The following LPCAT1 variants were observed in gnomAD, a reference collection of about 807,000 sequenced individuals.
LPCAT1 encodes the protein 1-acylglycerol-3-phosphate O-acyltransferase.
LPCAT1 carries 23 observed loss-of-function variants against 60.9 expected under a neutral mutation model. That is an observed-to-expected ratio of 0.38 (90% CI 0.27 to 0.53). LPCAT1 has a LOEUF of 0.53. Among genes scored for constraint, LPCAT1 ranks in the 20% least tolerant of loss-of-function variants. The pLI is 0.82. For synonymous variants in LPCAT1, 340 were observed against 301.1 expected, an observed-to-expected ratio of 1.13 and a Z score of -1.34; for missense variants, 622 against 723.6, an observed-to-expected ratio of 0.86 and a Z score of 1.61.
In LPCAT1 at chr5:1,466,704, C is replaced by T. The variant is rs200461315; in HGVS notation, c.1420+45G>A. The T allele has an allele frequency of 3.1e-5, 49 of 1,583,692 alleles. No individual in the cohort carries two copies. In the African/African-American group the frequency reaches 4.0e-4, roughly 13 times the overall value. On this transcript the variant is annotated intron_variant, in intron 13 of 13. Transcript: ENST00000283415. ...AGACTCGCCCCACACTCTGTCCAGCCCCCGCCCAAGGGTCGCGAGGACGAC... is the reference window on the plus strand; with the variant it reads ...AGACTCGCCCCACACTCTGTCCAGCTCCCGCCCAAGGGTCGCGAGGACGAC...
intron 1 of LPCAT1, among the ~76,000 whole-genome samples, chr5:1,504,663 G>A (rs1312686762): frequency 1.4e-5 from 2 of 147,740 alleles, no homozygotes; most frequent in African/African-American, 2.6e-5. Context: ...GTGGGGAGCT[G>A]AGATCGCGCC....
chr5:1,493,586 C>T (rs1025461236), intron 3 of LPCAT1, among the ~76,000 whole-genome samples: 1 of 152,266 alleles, frequency 6.6e-6, no homozygotes, highest in African/African-American at 2.4e-5. Context: ...AACCCAGGAC[C>T]CGCTGTGCCC....
intron 1 of LPCAT1, among the ~76,000 whole-genome samples, chr5:1,517,457 G>A (rs534043922): frequency 1.1e-4 from 16 of 152,274 alleles, no homozygotes; most frequent in Admixed American, 9.1e-4. Flanking sequence ...GCGGTGAGAC[G>A]GAGTGGGACA....
chr5:1,504,710 G>C lies in LPCAT1; in HGVS notation c.136-3107C>G, dbSNP rs1484495176. Among the ~76,000 whole-genome samples the C allele has an allele frequency of 2.8e-5, 3 of 105,296 alleles. No individual in the cohort carries two copies. The East Asian group carries it at 7.8e-4, about 27-fold the overall frequency. 69.1% of individuals were successfully genotyped at this position (105,296 alleles called of 152,430 possible). A position where few individuals can be genotyped will look rare whatever the true frequency, so the allele number is the denominator to read the frequency against. On this transcript the variant is annotated intron_variant, in intron 1 of 13. Coordinates refer to ENST00000283415, the MANE Select transcript of LPCAT1 (RefSeq NM_024830.5). ...GCCTGGGCAACAAGAGCGAATCTCC[G>C]TCCCAAAAAAAAAAAAAAAAAAGCC...
At position 1,502,820 on chromosome 5, in the gene LPCAT1, T is replaced by G. The variant is rs1353357862; in HGVS notation, c.136-1217A>C. On this transcript the variant is annotated intron_variant, in intron 1 of 13. Transcript: ENST00000283415. The surrounding 1 kb of genome is among the most constrained non-coding windows in gnomAD (Gnocchi z 5.5). Reference sequence around the variant, plus strand: ...CTGTTTCCTTGGTTTGTCCCTAGATTCTTTTGAGTTCTCAACGGAGACCAG... The same window carrying G: ...CTGTTTCCTTGGTTTGTCCCTAGATGCTTTTGAGTTCTCAACGGAGACCAG... Among the ~76,000 whole-genome samples, 1 of 152,102 alleles carries G rather than the reference T, an allele frequency of 6.6e-6. No homozygotes were observed. The highest frequency in any genetic ancestry group is 2.4e-5 in the African/African-American group (1 of 41,394).
chr5:1,481,435 C>G lies in LPCAT1; in HGVS notation c.727-459G>C, dbSNP rs1320670311. The stretch of plus-strand genomic sequence containing the variant: ...CAACTGCTCTGAGTGTTCCCCCAAC[C>G]ACGGTGCATGTGCAGGGCCCCCCCA... On this transcript the variant is annotated intron_variant, in intron 6 of 13. Transcript: ENST00000283415. This position sits in a 1 kb window ranked among gnomAD's most constrained non-coding sequence, Gnocchi z 7.8. 6.6e-6 allele frequency among the ~76,000 whole-genome samples: 1 copy of G among 152,244 alleles called. No individual in the cohort carries two copies. Among genetic ancestry groups the G allele is most frequent in the East Asian group, 1.9e-4 (1 of 5,194 alleles).
chr5:1,489,315 G>A (rs1479919377), intron 4 of LPCAT1, among the ~76,000 whole-genome samples: 2 of 152,228 alleles, frequency 1.3e-5, no homozygotes, highest in Admixed American at 6.5e-5. Flanking sequence ...CCAAGCTAAT[G>A]TCAGCCAGGC....
At position 1,522,521 on chromosome 5, in the gene LPCAT1, C is replaced by T. The variant is rs1736707216; in HGVS notation, c.135+1189G>A. On this transcript the variant is annotated intron_variant, in intron 1 of 13. Coordinates refer to ENST00000283415, the MANE Select transcript of LPCAT1 (RefSeq NM_024830.5). This position sits in a 1 kb window ranked among gnomAD's most constrained non-coding sequence, Gnocchi z 6.8. ...CCCTGTGTGTCACCAGGAGGGGCGG[C>T]ACCATCGGGCTCTCCTGCTCCCCGT... Among the ~76,000 whole-genome samples, 1 of 152,170 alleles carries T rather than the reference C, an allele frequency of 6.6e-6. No homozygotes were observed. Among genetic ancestry groups the T allele is most frequent in the East Asian group, 1.9e-4 (1 of 5,182 alleles).
chr5:1,503,196 T>C (rs895525603), intron 1 of LPCAT1, among the ~76,000 whole-genome samples: 9 of 152,066 alleles, frequency 5.9e-5, no homozygotes, highest in Non-Finnish European at 1.3e-4. Context: ...TGGGGGCTGC[T>C]CCTCACCCCA....
rs2962063 is a variant in LPCAT1 at position 1,517,433 on chromosome 5, C to T, written c.135+6277G>A. Among the ~76,000 whole-genome samples the T allele has an allele frequency of 7.7e-3, 1,170 of 152,312 alleles. 16 individuals carry two copies. Among genetic ancestry groups the T allele is most frequent in the African/African-American group, 0.027 (1,124 of 41,566 alleles). ...GTCCAAGCAGTACAGCACAGGGCGC[C>T]TTCTCAGACAAGAGCGGTGAGACGG... On this transcript the variant is annotated intron_variant, in intron 1 of 13. Coordinates refer to ENST00000283415, the MANE Select transcript of LPCAT1 (RefSeq NM_024830.5).
At chr5:1,470,156 G>C (rs977875313) in intron 12 of LPCAT1, among the ~76,000 whole-genome samples, 14 of 152,262 alleles carry the variant, frequency 9.2e-5, no homozygotes, top group African/African-American at 2.9e-4. Context: ...AGAAGCCTTG[G>C]TAAAGTTGTG....
At chr5:1,468,969 T>C (rs912645179) in intron 12 of LPCAT1, among the ~76,000 whole-genome samples, 3 of 152,180 alleles carry the variant, frequency 2.0e-5, no homozygotes, top group South Asian at 2.1e-4. Flanking sequence ...CAAAGCACAA[T>C]GGCCATGACT....
chr5:1,489,314 T>A (rs544633937), intron 4 of LPCAT1, among the ~76,000 whole-genome samples: 70 of 152,340 alleles, frequency 4.6e-4, no homozygotes, highest in Middle Eastern at 6.8e-3. Context: ...TCCAAGCTAA[T>A]GTCAGCCAGG....
chr5:1,489,670 T>G (rs998456309), intron 4 of LPCAT1, 76 bp downstream of exon 4: 3 of 1,101,558 alleles, frequency 2.7e-6, no homozygotes, highest in African/African-American at 3.1e-5. Context: ...GGGCCCCAGT[T>G]TCTTTCTCCC....
At chr5:1,465,178 AAC>A (rs1487542621) in intron 13 of LPCAT1, among the ~76,000 whole-genome samples, 1 of 145,058 alleles carries the variant, frequency 6.9e-6, no homozygotes, top group Non-Finnish European at 1.5e-5. Flanking sequence ...ACACACACAA[AAC>A]AAGCGCACGC....
intron 2 of LPCAT1, 64 bp downstream of exon 2, chr5:1,501,397 G>C (rs1735997586): frequency 1.3e-6 from 2 of 1,539,490 alleles, no homozygotes; most frequent in East Asian, 2.4e-5. Context: ...TGTGAGAATG[G>C]GTTCCCACTG....
chr5:1,501,601 C>T lies in LPCAT1; in HGVS notation c.138G>A (p.Val46=). 1 of 1,613,732 alleles carries T rather than the reference C, an allele frequency of 6.2e-7. No individual in the cohort carries two copies. The highest frequency in any genetic ancestry group is 8.5e-7 in the Non-Finnish European group (1 of 1,179,818). The change falls in exon 2 of 14, where the codon GTG becomes GTA. Residue 46 remains valine, a splice_region_variant and synonymous_variant. Coordinates refer to ENST00000283415, the MANE Select transcript of LPCAT1 (RefSeq NM_024830.5). ...LRLSALQKAQ[V]ALMTLTLFPV... is the part of the protein sequence containing the mutation. ...GGAAGAGCGTCAGTGTCATGAGGGC[C>T]ACCTGCAGACAGAGGGGGGCATTAT...
At chr5:1,472,464 C>G (rs2126495671) in intron 11 of LPCAT1, among the ~76,000 whole-genome samples, 1 of 76,116 alleles carries the variant, frequency 1.3e-5, no homozygotes, top group East Asian at 6.4e-4. Flanking sequence ...GTGGAAATGA[C>G]TACAAGTCCC....
intron 12 of LPCAT1, among the ~76,000 whole-genome samples, chr5:1,468,474 G>C (rs1390624607): frequency 1.3e-5 from 2 of 152,234 alleles, no homozygotes; most frequent in Non-Finnish European, 2.9e-5. Context: ...GGCTGCTTCA[G>C]AGGGGACAAC....
Sources: allele counts gnomAD v4.1 joint callset (sites outside exome capture counted in the v4.1 genomes callset), GRCh38; gene constraint gnomAD v4.1.1; non-coding constraint Gnocchi (gnomAD v3.1); transcripts MANE v1.5; gene names NCBI Gene and HGNC (gene_info 2026-07-23, HGNC 2026-07-21).